NRXN3: variants seen among roughly 807,000 people sequenced by gnomAD.
NRXN3 encodes the protein neurexin III.
In NRXN3, 32 loss-of-function variants were observed where a neutral mutation model predicts 137.6. The ratio of observed to expected loss-of-function variants is 0.23; its 90% CI spans 0.18 to 0.31. The LOEUF is 0.31. Among genes scored for constraint, NRXN3 ranks in the 10% least tolerant of loss-of-function variants. The pLI is 1.00. For missense variants in NRXN3, 1,574 were observed against 2,062.5 expected (o/e 0.76, Z 4.59); for synonymous variants, 798 against 784.5 (o/e 1.02, Z -0.29).
chr14:78,264,133 G>A (rs2071287057), intron 2 of NRXN3, among the ~76,000 whole-genome samples: 1 of 152,128 alleles, frequency 6.6e-6, no homozygotes, highest in Admixed American at 6.6e-5. Context: ...ACTTACCCGA[G>A]GTCATACATA....
At chr14:78,453,104 G>A (rs553400443) in intron 4 of NRXN3, among the ~76,000 whole-genome samples, 1 of 152,262 alleles carries the variant, frequency 6.6e-6, no homozygotes, top group Admixed American at 6.5e-5. Flanking sequence ...GCCAGATGAG[G>A]AGGGTGGTCA....
intron 4 of NRXN3, among the ~76,000 whole-genome samples, chr14:78,590,491 A>C (rs1257017060): frequency 2.6e-5 from 4 of 152,204 alleles, no homozygotes; most frequent in Non-Finnish European, 5.9e-5. Context: ...TTGGGGTCAA[A>C]AGCTAGACCA....
chr14:79,458,842 T>C (rs569763144), intron 15 of NRXN3, among the ~76,000 whole-genome samples: 37 of 152,250 alleles, frequency 2.4e-4, no homozygotes, highest in Non-Finnish European at 3.7e-4. Context: ...GAATGGACTA[T>C]TATCTGACCT....
At chr14:79,364,511 A>C (rs1335390355) in intron 15 of NRXN3, among the ~76,000 whole-genome samples, 1 of 152,226 alleles carries the variant, frequency 6.6e-6, no homozygotes, top group East Asian at 1.9e-4. Flanking sequence ...TCTATCATGC[A>C]AGGATGCAAA....
intron 15 of NRXN3, among the ~76,000 whole-genome samples, chr14:79,039,845 C>T (rs778428526): frequency 6.6e-6 from 1 of 152,108 alleles, no homozygotes; most frequent in Non-Finnish European, 1.5e-5. Context: ...GTGCATGCCA[C>T]CATATCTGGC....
At chr14:79,693,024 A>G (rs534618174) in intron 18 of NRXN3, among the ~76,000 whole-genome samples, 71 of 152,216 alleles carry the variant, frequency 4.7e-4, no homozygotes, top group African/African-American at 1.7e-3. Flanking sequence ...GCAAAACAGC[A>G]GTCTCTGATT....
intron 16 of NRXN3, among the ~76,000 whole-genome samples, chr14:79,524,134 A>C (rs1431500819): frequency 6.6e-6 from 1 of 152,220 alleles, no homozygotes; most frequent in African/African-American, 2.4e-5. Flanking sequence ...CAGCAAACAA[A>C]GGCAGAGATC....
chr14:78,391,451 A>C (rs1219680845), intron 4 of NRXN3, among the ~76,000 whole-genome samples: 2 of 152,128 alleles, frequency 1.3e-5, no homozygotes, highest in Non-Finnish European at 2.9e-5. Context: ...GGATAACCAT[A>C]TCTCTCTAAG....
At chr14:78,888,618 G>A (rs1053663395) in intron 10 of NRXN3, among the ~76,000 whole-genome samples, 4 of 151,874 alleles carry the variant, frequency 2.6e-5, no homozygotes, top group Admixed American at 6.6e-5. Context: ...CCTCACCCAC[G>A]TCAGTTTTTC....
intron 15 of NRXN3, among the ~76,000 whole-genome samples, chr14:79,236,892 G>A (rs1006588919): frequency 2.0e-5 from 3 of 152,082 alleles, no homozygotes; most frequent in African/African-American, 7.2e-5. Flanking sequence ...TAGCCTGGGT[G>A]ATAGAGTAAG....
intron 15 of NRXN3, among the ~76,000 whole-genome samples, chr14:79,193,182 G>T (rs2064654846): frequency 6.6e-6 from 1 of 152,066 alleles, no homozygotes; most frequent in African/African-American, 2.4e-5. Context: ...GAGAAGAATG[G>T]TGATATTATA....
intron 15 of NRXN3, among the ~76,000 whole-genome samples, chr14:79,361,999 T>TATA (rs1365855587): frequency 2.3e-5 from 3 of 132,368 alleles, no homozygotes; most frequent in Non-Finnish European, 4.7e-5. Context: ...CTTTTATAAT[T>TATA]ATTATTATTA....
At chr14:79,053,025 A>G (rs948706481) in intron 15 of NRXN3, among the ~76,000 whole-genome samples, 6 of 152,228 alleles carry the variant, frequency 3.9e-5, no homozygotes, top group African/African-American at 2.4e-5. Context: ...ACTCTCATCA[A>G]CTATTTAATT....
chr14:79,473,173 C>G (rs2096529895), intron 16 of NRXN3, among the ~76,000 whole-genome samples: 1 of 151,986 alleles, frequency 6.6e-6, no homozygotes, highest in South Asian at 2.1e-4. Context: ...GAACTGCTGT[C>G]CAGACTGACC....
chr14:78,736,156 C>A (rs57398100), intron 8 of NRXN3, among the ~76,000 whole-genome samples: 1 of 152,104 alleles, frequency 6.6e-6, no homozygotes, highest in Admixed American at 6.5e-5. Context: ...ATTCTGAAAG[C>A]TGCCAGATGT....
At chr14:79,284,713 C>A (rs990076160) in intron 15 of NRXN3, among the ~76,000 whole-genome samples, 2 of 152,038 alleles carry the variant, frequency 1.3e-5, no homozygotes, top group African/African-American at 4.8e-5. Context: ...GACACATGAT[C>A]CTGGAGTCTT....
chr14:79,371,769 T>C (rs2094118563), intron 15 of NRXN3, among the ~76,000 whole-genome samples: 1 of 152,136 alleles, frequency 6.6e-6, no homozygotes, highest in Non-Finnish European at 1.5e-5. Context: ...TTCATAGTAA[T>C]GGTACTGCCC....
At chr14:78,666,550 G>A (rs375116871) in intron 6 of NRXN3, among the ~76,000 whole-genome samples, 11 of 152,118 alleles carry the variant, frequency 7.2e-5, no homozygotes, top group Admixed American at 2.0e-4. Context: ...CTATTCACTC[G>A]AGTTAGAAAC....
intron 15 of NRXN3, among the ~76,000 whole-genome samples, chr14:79,081,039 G>GT (rs1451551934): frequency 1.3e-5 from 2 of 152,060 alleles, no homozygotes; most frequent in African/African-American, 2.4e-5. Flanking sequence ...TAACCAGCAC[G>GT]TTTTTTAGCA....
Sources: gnomAD v4.1 joint callset for allele counts (sites outside exome capture counted in the v4.1 genomes callset) on GRCh38, gnomAD v4.1.1 for gene constraint, MANE v1.5 for transcripts, NCBI Gene and HGNC (gene_info 2026-07-23, HGNC 2026-07-21) for gene names.